ZNF385D: variants seen among roughly 807,000 people sequenced by gnomAD.
The protein encoded by ZNF385D is zinc finger protein 385D, also known as zinc finger protein 659.
ZNF385D carries 15 observed loss-of-function variants against 35.8 expected under a neutral mutation model. The ratio of observed to expected loss-of-function variants is 0.42; its 90% CI spans 0.28 to 0.64. The LOEUF (loss-of-function observed/expected upper bound fraction) is 0.64, where lower values mean the gene tolerates loss of function less well. ZNF385D is among the 30% of genes least tolerant of loss of function. The pLI is 0.23. For synonymous variants in ZNF385D, 212 were observed against 186.8 expected (o/e 1.13, Z -1.10); for missense variants, 474 against 494.6 (o/e 0.96, Z 0.39).
intron 1 of ZNF385D, among the ~76,000 whole-genome samples, chr3:21,747,368 C>T (rs1266489269): frequency 3.3e-5 from 5 of 152,152 alleles, no homozygotes; most frequent in African/African-American, 1.2e-4. Flanking sequence ...GCCCCAGATC[C>T]TTCTTGGCTA....
At chr3:22,158,950 A>G (rs1174001016) in intron 3 of ZNF385D, among the ~76,000 whole-genome samples, 1 of 152,084 alleles carries the variant, frequency 6.6e-6, no homozygotes, top group African/African-American at 2.4e-5. Context: ...AAGGAAAACA[A>G]AAGTTAAAAA....
intron 2 of ZNF385D, among the ~76,000 whole-genome samples, chr3:22,198,591 G>C (rs945224803): frequency 2.0e-5 from 3 of 151,988 alleles, no homozygotes; most frequent in Non-Finnish European, 4.4e-5. Flanking sequence ...ACCAAAACCT[G>C]GCCTCGACAT....
chr3:21,468,481 C>A (rs1703670779), intron 4 of ZNF385D, among the ~76,000 whole-genome samples: 1 of 150,340 alleles, frequency 6.7e-6, no homozygotes, highest in Admixed American at 6.6e-5. Flanking sequence ...GAAAGCAACC[C>A]AAATATGCAT....
At chr3:21,461,088 GACC>G (rs1703141520) in intron 4 of ZNF385D, among the ~76,000 whole-genome samples, 1 of 152,120 alleles carries the variant, frequency 6.6e-6, no homozygotes, top group South Asian at 2.1e-4. Flanking sequence ...GCAGTGCCAA[GACC>G]ACAATATATA....
At chr3:22,231,740 T>C (rs77014850) in intron 2 of ZNF385D, among the ~76,000 whole-genome samples, 19,156 of 152,172 alleles carry the variant, frequency 0.13, 1,249 homozygotes, top group Middle Eastern at 0.17. Context: ...GGTTTGGCTC[T>C]GTGTCCCCAC....
intron 3 of ZNF385D, among the ~76,000 whole-genome samples, chr3:22,087,296 C>A (rs1262335358): frequency 6.6e-6 from 1 of 151,954 alleles, no homozygotes; most frequent in Non-Finnish European, 1.5e-5. Context: ...CTACCCATAT[C>A]CATTTCCTCT....
chr3:21,628,058 C>T (rs1575351300), intron 2 of ZNF385D, among the ~76,000 whole-genome samples: 1 of 152,228 alleles, frequency 6.6e-6, no homozygotes, highest in African/African-American at 2.4e-5. Context: ...TTACTACTGA[C>T]ATCAACAACT....
chr3:22,333,637 T>G lies in ZNF385D; in HGVS notation c.106+38813A>C, dbSNP rs575078328. 1.6e-4 allele frequency among the ~76,000 whole-genome samples: 25 copies of G among 152,304 alleles called. No individual in the cohort carries two copies. The South Asian group carries it at 5.2e-3, about 32-fold the overall frequency. On this transcript the variant is annotated intron_variant, in intron 2 of 5. Coordinates refer to the ZNF385D transcript ENST00000494108. ...TTGTTCTTTTTTACATATATTCTAT[T>G]TCTTTCCTAAGACTTTCTATATTTT...
chr3:22,328,874 G>A (rs373179083), intron 2 of ZNF385D, among the ~76,000 whole-genome samples: 5 of 151,814 alleles, frequency 3.3e-5, no homozygotes, highest in African/African-American at 9.7e-5. Flanking sequence ...AGGAGATCGA[G>A]ACCATCCTGG....
At chr3:21,457,003 T>G (rs1330480598) in intron 4 of ZNF385D, among the ~76,000 whole-genome samples, 1 of 152,180 alleles carries the variant, frequency 6.6e-6, no homozygotes, top group Non-Finnish European at 1.5e-5. Context: ...ATATAAGGGT[T>G]AGTTAACTTT....
chr3:22,337,606 C>T (rs1012619171), intron 2 of ZNF385D, among the ~76,000 whole-genome samples: 3 of 151,960 alleles, frequency 2.0e-5, no homozygotes, highest in Admixed American at 6.6e-5. Flanking sequence ...CCGAAAATGC[C>T]CAATTTGCTT....
At chr3:21,705,238 C>T (rs1394860059) in intron 1 of ZNF385D, among the ~76,000 whole-genome samples, 1 of 152,158 alleles carries the variant, frequency 6.6e-6, no homozygotes, top group Non-Finnish European at 1.5e-5. Context: ...AGAACTCTGA[C>T]CCAAATCCCT....
intron 3 of ZNF385D, among the ~76,000 whole-genome samples, chr3:22,144,723 T>A (rs1424540502): frequency 6.6e-6 from 1 of 152,092 alleles, no homozygotes; most frequent in Non-Finnish European, 1.5e-5. Flanking sequence ...TTTATTATTA[T>A]GTGTACAATT....
At chr3:21,575,127 TAAAA>T (rs1207947625) in intron 2 of ZNF385D, among the ~76,000 whole-genome samples, 1 of 152,220 alleles carries the variant, frequency 6.6e-6, no homozygotes, top group Admixed American at 6.5e-5. Flanking sequence ...TACAGATACG[TAAAA>T]ATGCCAATCA....
rs150572721 is a variant in ZNF385D at position 21,815,757 on chromosome 3, C to A, written c.326-150729G>T. On this transcript the variant is annotated intron_variant, in intron 3 of 5. Transcript: ENST00000494108. ...GCTGAATTCTACCAGAGGTACAAAGCGGAGCTGGTACCATTCCTTCTGAAA... is the reference window on the plus strand; with the variant it reads ...GCTGAATTCTACCAGAGGTACAAAGAGGAGCTGGTACCATTCCTTCTGAAA... Among the ~76,000 whole-genome samples the A allele has an allele frequency of 2.0e-5, 3 of 151,994 alleles. No homozygotes were observed. The South Asian group carries it at 6.2e-4, about 31-fold the overall frequency.
At chr3:21,576,562 T>C (rs768591987) in intron 2 of ZNF385D, among the ~76,000 whole-genome samples, 10 of 152,198 alleles carry the variant, frequency 6.6e-5, no homozygotes, top group Non-Finnish European at 1.3e-4. Context: ...TACGTAATTG[T>C]TACCAACGCA....
chr3:22,161,789 T>C (rs1206550413), intron 3 of ZNF385D, among the ~76,000 whole-genome samples: 1 of 152,172 alleles, frequency 6.6e-6, no homozygotes, highest in Admixed American at 6.6e-5. Context: ...TTTGCTGTAA[T>C]AATATAAGTG....
intron 3 of ZNF385D, among the ~76,000 whole-genome samples, chr3:21,833,854 A>G (rs1695157315): frequency 6.6e-6 from 1 of 152,144 alleles, no homozygotes; most frequent in Non-Finnish European, 1.5e-5. Flanking sequence ...AATGGTTTGT[A>G]TTTGCTAAGC....
intron 1 of ZNF385D, among the ~76,000 whole-genome samples, chr3:21,694,940 T>A (rs575460069): frequency 6.6e-6 from 1 of 152,308 alleles, no homozygotes; most frequent in African/African-American, 2.4e-5. Context: ...GAAGGAAGCA[T>A]GCATCAGCTT....
Sources: gnomAD v4.1 joint callset for allele counts (sites outside exome capture counted in the v4.1 genomes callset) on GRCh38, gnomAD v4.1.1 for gene constraint, MANE v1.5 for transcripts, NCBI Gene and HGNC (gene_info 2026-07-23, HGNC 2026-07-21) for gene names.